Variants in MYH11 observed in about 807,000 individuals in gnomAD.
MYH11 encodes the protein myosin heavy chain 11.
Under a neutral mutation model 246.6 loss-of-function variants are expected in MYH11, and 80 were observed. The ratio of observed to expected loss-of-function variants is 0.32; its 90% CI spans 0.27 to 0.39. The LOEUF (loss-of-function observed/expected upper bound fraction) is 0.39. MYH11 is among the 10% of genes least tolerant of loss of function. MYH11 has a pLI of 1.00. For synonymous variants in MYH11, 1,071 were observed against 1,015.5 expected (o/e 1.05, Z -1.04); for missense variants, 2,158 against 2,546.8 (o/e 0.85, Z 3.29).
At chr16:15,855,631 C>T (rs2044445497) in intron 1 of MYH11, among the ~76,000 whole-genome samples, 1 of 152,164 alleles carries the variant, frequency 6.6e-6, no homozygotes, top group South Asian at 2.1e-4. Context: ...GTTGCAACAG[C>T]ATGTGGCACT....
Position 15,725,148 on chromosome 16 carries a change from A to C in MYH11, c.3859-156T>G, listed in dbSNP as rs565400287. 2.1e-3 allele frequency: 1,306 copies of C among 608,128 alleles called. 1 individual carries two copies. Among genetic ancestry groups the C allele is most frequent in the East Asian group, 7.2e-3 (252 of 34,768 alleles). The allele number at this position is 608,128 out of a possible 1,614,324, so 37.7% of individuals were successfully genotyped here. A position where few individuals can be genotyped will look rare whatever the true frequency, so the allele number is the denominator to read the frequency against. On this transcript the variant is annotated intron_variant, in intron 28 of 40. Coordinates refer to ENST00000300036, the MANE Select transcript of MYH11 (RefSeq NM_002474.3). ...TGGGACTCTGATAAAAAAAAAAAAA[A>C]ACACACACACACACAAAAAAAACAG...
chr16:15,736,208 G>C (rs1023268382), intron 25 of MYH11, among the ~76,000 whole-genome samples: 1 of 152,228 alleles, frequency 6.6e-6, no homozygotes, highest in African/African-American at 2.4e-5. Context: ...GCAGAGGGTG[G>C]ATGGGCTCTG....
intron 13 of MYH11, 104 bp downstream of exon 13, chr16:15,757,723 G>A (rs2041765649): frequency 7.1e-7 from 1 of 1,416,408 alleles, no homozygotes; most frequent in African/African-American, 1.4e-5. Context: ...TTGGGTGGGG[G>A]AATGCTATGT....
intron 3 of MYH11, among the ~76,000 whole-genome samples, chr16:15,804,596 G>A (rs1019332248): frequency 6.6e-5 from 10 of 152,116 alleles, no homozygotes; most frequent in Admixed American, 2.6e-4. Context: ...ACAATGTTAC[G>A]TAACTACCAC....
intron 27 of MYH11, among the ~76,000 whole-genome samples, chr16:15,730,737 C>G (rs1056251621): frequency 1.3e-5 from 2 of 152,128 alleles, no homozygotes; most frequent in Non-Finnish European, 2.9e-5. Flanking sequence ...TAATGTAACT[C>G]AGGCTTTCAG....
At chr16:15,760,140 G>C (rs8058646) in intron 11 of MYH11, among the ~76,000 whole-genome samples, 19,024 of 152,088 alleles carry the variant, frequency 0.13, 2,440 homozygotes, top group African/African-American at 0.33. Context: ...ACATGGGACT[G>C]TGAATATTCT....
At chr16:15,721,714 T>C (rs2081909797) in intron 31 of MYH11, 80 bp from the exon 32 acceptor site, 2 of 1,437,234 alleles carry the variant, frequency 1.4e-6, no homozygotes, top group Admixed American at 1.7e-5. Context: ...GGGGAAGCCC[T>C]GTGTCCTGCT....
At chr16:15,812,108 C>A (rs758214546) in intron 3 of MYH11, among the ~76,000 whole-genome samples, 2 of 152,114 alleles carry the variant, frequency 1.3e-5, no homozygotes, top group African/African-American at 4.8e-5. Flanking sequence ...GACAGCCTTC[C>A]GTGGGATTGA....
intron 20 of MYH11, chr16:15,742,281 C>T: frequency 3.5e-6 from 1 of 288,136 alleles, no homozygotes; most frequent in South Asian, 4.3e-5. Context: ...AGTGATATTT[C>T]CTTCCAAGGA....
At chr16:15,849,951 G>A (rs549702530) in intron 1 of MYH11, among the ~76,000 whole-genome samples, 81 of 152,262 alleles carry the variant, frequency 5.3e-4, no homozygotes, top group Middle Eastern at 3.4e-3. Context: ...TATGGGACCC[G>A]TCTGTGACTC....
intron 40 of MYH11, chr16:15,714,708 T>C: frequency 3.0e-6 from 2 of 675,350 alleles, no homozygotes; most frequent in South Asian, 3.6e-5. Context: ...GGTTAGCTGC[T>C]ACCAGGCAAG....
At position 15,737,585 on chromosome 16, in the gene MYH11, G is replaced by T. The variant is rs12149651; in HGVS notation, c.3157C>A (p.Leu1053Met). 1 of 1,613,598 alleles carries T rather than the reference G, an allele frequency of 6.2e-7. No individual in the cohort carries two copies. ...TCCAGCTTCCGTTTCAGCTTCTCCAGCTCCTGTCGGCTCTTCTCTTCCTTC... is the reference window on the plus strand; with the variant it reads ...TCCAGCTTCCGTTTCAGCTTCTCCATCTCCTGTCGGCTCTTCTCTTCCTTC... Reference protein sequence around the residue: ...LKKEEKSRQELEKLKRKLEGD... With the variant: ...LKKEEKSRQEMEKLKRKLEGD... The change falls in exon 25 of 41, where the codon CTG becomes ATG. Residue 1053 changes from leucine to methionine, a missense_variant. Leu to Met is a conservative substitution (Grantham distance 15). This residue lies in a region of MYH11 where 284 missense variants were observed against 315.4 expected (regional missense o/e 0.90). Coordinates refer to ENST00000300036, the MANE Select transcript of MYH11 (RefSeq NM_002474.3).
rs77575697 is a variant in MYH11 at position 15,774,187 on chromosome 16, C to G, written c.889+1891G>C. On this transcript the variant is annotated intron_variant, in intron 8 of 40. Transcript: ENST00000300036. ...AACTTGAAATGCCTGATTCAAGTCACGAGGATTGAGGTCTTTGCCAAGACT... is the reference window on the plus strand; with the variant it reads ...AACTTGAAATGCCTGATTCAAGTCAGGAGGATTGAGGTCTTTGCCAAGACT... 7.5e-4 allele frequency among the ~76,000 whole-genome samples: 115 copies of G among 152,348 alleles called. 1 individual carries two copies. In the East Asian group the frequency reaches 0.017, roughly 22 times the overall value.
intron 1 of MYH11, among the ~76,000 whole-genome samples, chr16:15,845,746 G>C (rs1183782401): frequency 6.6e-6 from 1 of 151,972 alleles, no homozygotes; most frequent in Non-Finnish European, 1.5e-5. Flanking sequence ...GAGAGAGAGA[G>C]AAACTGGAGG....
chr16:15,742,061 T>A, intron 20 of MYH11, 170 bp from the exon 21 acceptor site: 1 of 1,031,388 alleles, frequency 9.7e-7, no homozygotes, highest in Non-Finnish European at 1.4e-6. Context: ...GGGGGGTGCC[T>A]CTGGCATCCA....
At chr16:15,716,293 A>G (rs2040131322) in intron 38 of MYH11, among the ~76,000 whole-genome samples, 1 of 152,050 alleles carries the variant, frequency 6.6e-6, no homozygotes, top group South Asian at 2.1e-4. Flanking sequence ...TCGTTTTTAC[A>G]TGTTTGTGAA....
chr16:15,843,654 T>C (rs1450666777), intron 1 of MYH11, among the ~76,000 whole-genome samples: 1 of 147,056 alleles, frequency 6.8e-6, no homozygotes, highest in African/African-American at 2.5e-5. Context: ...TGAGTGGAGA[T>C]GCGCCGCTGC....
chr16:15,759,504 C>CATG (rs2041816646), intron 12 of MYH11, 72 bp downstream of exon 12: 1 of 1,606,080 alleles, frequency 6.2e-7, no homozygotes, highest in African/African-American at 1.3e-5. Context: ...TCTCCAAAAT[C>CATG]ATGACTCCTC....
chr16:15,707,936 C>T (rs2039547820), intron 40 of MYH11, among the ~76,000 whole-genome samples: 2 of 140,044 alleles, frequency 1.4e-5, no homozygotes, highest in Admixed American at 7.7e-5. Flanking sequence ...TGCGCCATTG[C>T]ACTCCAGAGC....
Sources: allele counts gnomAD v4.1 joint callset (sites outside exome capture counted in the v4.1 genomes callset), GRCh38; gene constraint gnomAD v4.1.1; regional missense constraint gnomAD v4.1.1; transcripts MANE v1.5; gene names NCBI Gene and HGNC (gene_info 2026-07-23, HGNC 2026-07-21).